Variants in NTNG1 observed in about 807,000 individuals in gnomAD.
NTNG1 encodes netrin-G1.
NTNG1 carries 16 observed loss-of-function variants against 54.0 expected under a neutral mutation model. The ratio of observed to expected loss-of-function variants is 0.30; its 90% CI spans 0.20 to 0.45. NTNG1 has a LOEUF of 0.45. Among genes scored for constraint, NTNG1 ranks in the 20% least tolerant of loss-of-function variants. The pLI is 1.00. For missense variants in NTNG1, 530 were observed against 678.7 expected (o/e 0.78, Z 2.43); for synonymous variants, 255 against 263.1 (o/e 0.97, Z 0.30).
rs143112193 is a variant in NTNG1, at chr1:107,460,862, G to A, written c.1391-19749G>A. Among the ~76,000 whole-genome samples the A allele has an allele frequency of 1.6e-3, 250 of 152,252 alleles. 3 individuals carry two copies. Among genetic ancestry groups the A allele is most frequent in the African/African-American group, 5.6e-3 (233 of 41,542 alleles). ...TAACTCTAGAGGGTCTGGCAGCCCC[G>A]TGTACTGGGCTGCTAATGGTGTTCA... is the stretch of plus-strand genomic sequence containing the variant. On this transcript the variant is annotated intron_variant, in intron 7 of 7. Coordinates refer to ENST00000370068, the MANE Select transcript of NTNG1 (RefSeq NM_001113226.3).
At chr1:107,222,309 G>A (rs1024529843) in intron 2 of NTNG1, among the ~76,000 whole-genome samples, 2 of 152,100 alleles carry the variant, frequency 1.3e-5, no homozygotes, top group East Asian at 1.9e-4. Context: ...TTGGCTAAAA[G>A]TGGGGATTGA....
intron 2 of NTNG1, among the ~76,000 whole-genome samples, chr1:107,264,153 C>T (rs1287978935): frequency 6.6e-6 from 1 of 152,072 alleles, no homozygotes; most frequent in Non-Finnish European, 1.5e-5. Flanking sequence ...CACACACGCC[C>T]ACAAACACAC....
chr1:107,246,435 G>A (rs1662209455), intron 2 of NTNG1, among the ~76,000 whole-genome samples: 1 of 151,654 alleles, frequency 6.6e-6, no homozygotes, highest in African/African-American at 2.4e-5. Flanking sequence ...TGTCCTTGTG[G>A]GAAAGGAAAG....
At chr1:107,325,871 A>T (rs1433666476) in intron 3 of NTNG1, among the ~76,000 whole-genome samples, 1 of 152,128 alleles carries the variant, frequency 6.6e-6, no homozygotes, top group African/African-American at 2.4e-5. Context: ...ATTGAAACAT[A>T]TGAGGATAAG....
chr1:107,451,988 A>G (rs1012491580), intron 7 of NTNG1, among the ~76,000 whole-genome samples: 3 of 152,132 alleles, frequency 2.0e-5, no homozygotes, highest in Non-Finnish European at 4.4e-5. Flanking sequence ...TCTCTTATGT[A>G]GTGGTTTGAA....
At chr1:107,242,278 T>A (rs1404914998) in intron 2 of NTNG1, among the ~76,000 whole-genome samples, 2 of 152,160 alleles carry the variant, frequency 1.3e-5, no homozygotes, top group African/African-American at 4.8e-5. Flanking sequence ...ATTACACTAC[T>A]ACACTCCAGC....
chr1:107,193,885 C>T (rs549720289), intron 2 of NTNG1, among the ~76,000 whole-genome samples: 12 of 151,578 alleles, frequency 7.9e-5, no homozygotes, highest in Non-Finnish European at 1.5e-4. Flanking sequence ...AAGAAAAGAC[C>T]TATAGTGTCT....
chr1:107,467,792 A>T (rs1677701324), intron 7 of NTNG1, among the ~76,000 whole-genome samples: 1 of 152,204 alleles, frequency 6.6e-6, no homozygotes, highest in Admixed American at 6.5e-5. Context: ...GATGTATTTT[A>T]AGAAATTTAA....
chr1:107,289,007 T>C (rs1277107310), intron 2 of NTNG1, among the ~76,000 whole-genome samples: 2 of 152,150 alleles, frequency 1.3e-5, no homozygotes, highest in East Asian at 1.9e-4. Flanking sequence ...GTCTCTTCCA[T>C]TGACCTCATG....
At chr1:107,479,554 A>G (rs1473225953) in intron 7 of NTNG1, among the ~76,000 whole-genome samples, 2 of 152,122 alleles carry the variant, frequency 1.3e-5, no homozygotes, top group Non-Finnish European at 2.9e-5. Flanking sequence ...CCCATTCCAG[A>G]GGGGTTCTAT....
chr1:107,276,048 T>C (rs999928150), intron 2 of NTNG1, among the ~76,000 whole-genome samples: 8 of 152,198 alleles, frequency 5.3e-5, no homozygotes, highest in African/African-American at 1.9e-4. Context: ...GGACAAAATA[T>C]GCTATAAATC....
intron 3 of NTNG1, among the ~76,000 whole-genome samples, chr1:107,388,644 G>C (rs1053216594): frequency 6.6e-6 from 1 of 152,196 alleles, no homozygotes; most frequent in African/African-American, 2.4e-5. Context: ...TTTAGTTGTT[G>C]ATTTGTTAAG....
intron 4 of NTNG1, among the ~76,000 whole-genome samples, chr1:107,405,987 T>C (rs1213371767): frequency 1.3e-5 from 2 of 152,146 alleles, no homozygotes; most frequent in African/African-American, 2.4e-5. Context: ...TTGAAATTCA[T>C]AGGGTAGAGT....
intron 2 of NTNG1, among the ~76,000 whole-genome samples, chr1:107,168,560 T>G (rs1655984577): frequency 1.3e-5 from 2 of 152,254 alleles, no homozygotes. Flanking sequence ...AACTACTTTG[T>G]GGTGACATTT....
chr1:107,213,085 T>G (rs1195379367), intron 2 of NTNG1, among the ~76,000 whole-genome samples: 1 of 151,702 alleles, frequency 6.6e-6, no homozygotes, highest in Non-Finnish European at 1.5e-5. Context: ...TGAAATATTT[T>G]CATTTTAGCT....
At chr1:107,373,011 G>A (rs1671019095) in intron 3 of NTNG1, among the ~76,000 whole-genome samples, 1 of 152,052 alleles carries the variant, frequency 6.6e-6, no homozygotes. Context: ...TTCGTGGGCA[G>A]CATATAACTC....
chr1:107,292,268 A>G (rs1189877108), intron 2 of NTNG1, among the ~76,000 whole-genome samples: 3 of 152,312 alleles, frequency 2.0e-5, no homozygotes, highest in Non-Finnish European at 2.9e-5. Context: ...TCGCGTCCTC[A>G]GATGAAAATT....
intron 3 of NTNG1, among the ~76,000 whole-genome samples, chr1:107,372,180 G>A (rs1425099110): frequency 6.6e-6 from 1 of 151,672 alleles, no homozygotes; most frequent in East Asian, 1.9e-4. Flanking sequence ...ATTGGTTTCT[G>A]CTTTGGTATT....
chr1:107,381,796 G>C (rs1671662921), intron 3 of NTNG1, among the ~76,000 whole-genome samples: 1 of 152,210 alleles, frequency 6.6e-6, no homozygotes, highest in Admixed American at 6.5e-5. Flanking sequence ...GCTACATAAA[G>C]TCATCAGGAC....
Sources: allele counts gnomAD v4.1 joint callset (sites outside exome capture counted in the v4.1 genomes callset), GRCh38; gene constraint gnomAD v4.1.1; transcripts MANE v1.5; gene names NCBI Gene and HGNC (gene_info 2026-07-23, HGNC 2026-07-21).